Variants in CCDC149 observed in about 807,000 individuals in gnomAD.
The protein encoded by CCDC149 is coiled-coil domain containing 149.
CCDC149 carries 45 observed loss-of-function variants against 59.9 expected under a neutral mutation model. The observed-to-expected ratio is 0.75, with a 90% CI of 0.59 to 0.96. The LOEUF (loss-of-function observed/expected upper bound fraction) is 0.96, where lower values mean the gene tolerates loss of function less well. Among genes scored for constraint, CCDC149 ranks in the 40% least tolerant of loss-of-function variants. CCDC149 has a pLI of 0.00. For missense variants in CCDC149, 584 were observed against 664.7 expected (o/e 0.88, Z 1.33); for synonymous variants, 245 against 260.6 (o/e 0.94, Z 0.58).
At position 24,837,383 on chromosome 4, in the gene CCDC149, G is replaced by A. The variant is rs750233654; in HGVS notation, c.507C>T (p.His169=). ...GCTCGTCCACAGAAGCCTGCAGGTC[G>A]TGCTCCAGAGACTCAATCTAAAACC... The change falls in exon 6 of 13, where the codon CAC becomes CAT. Residue 169 remains histidine (H), a synonymous_variant. Transcript: ENST00000635206. The surrounding 1 kb of genome is among the most constrained non-coding windows in gnomAD (Gnocchi z 4.3). 5.9e-5 allele frequency: 96 copies of A among 1,614,002 alleles called. No homozygotes were observed. Among genetic ancestry groups the A allele is most frequent in the Non-Finnish European group, 7.3e-5 (86 of 1,180,020 alleles).
chr4:24,961,077 A>T (rs560063244), intron 1 of CCDC149, among the ~76,000 whole-genome samples: 35 of 152,354 alleles, frequency 2.3e-4, no homozygotes, highest in African/African-American at 8.4e-4. Context: ...TCTCAAATGC[A>T]TGCAGAACAT....
intron 1 of CCDC149, among the ~76,000 whole-genome samples, chr4:24,950,484 G>C (rs991442211): frequency 6.6e-6 from 1 of 152,182 alleles, no homozygotes; most frequent in Non-Finnish European, 1.5e-5. Context: ...GAGTGGACTC[G>C]GGGGTGGGAA....
At chr4:24,878,018 A>C (rs955889283) in intron 1 of CCDC149, among the ~76,000 whole-genome samples, 1 of 152,246 alleles carries the variant, frequency 6.6e-6, no homozygotes, top group African/African-American at 2.4e-5. Flanking sequence ...CTCTGACATG[A>C]GTACTTTGTC....
chr4:24,857,327 G>A (rs910382822), intron 3 of CCDC149, among the ~76,000 whole-genome samples: 1 of 152,128 alleles, frequency 6.6e-6, no homozygotes, highest in African/African-American at 2.4e-5. Flanking sequence ...TGAGTTACTA[G>A]GCAAATAAAT....
intron 3 of CCDC149, 81 bp from the exon 4 acceptor site, chr4:24,853,260 C>G (rs1357509670): frequency 3.0e-5 from 31 of 1,041,946 alleles, no homozygotes; most frequent in Non-Finnish European, 4.3e-5. Context: ...CTTGTGGATG[C>G]TGGTGTCTAA....
chr4:24,860,826 G>T (rs377234339), intron 3 of CCDC149, among the ~76,000 whole-genome samples: 1 of 152,058 alleles, frequency 6.6e-6, no homozygotes, highest in Admixed American at 6.5e-5. Context: ...TATATAAATG[G>T]CCGACAAACA....
intron 1 of CCDC149, among the ~76,000 whole-genome samples, chr4:24,976,236 A>T (rs1323216162): frequency 1.3e-5 from 2 of 152,198 alleles, no homozygotes; most frequent in African/African-American, 4.8e-5. Flanking sequence ...CCCTTAGAGT[A>T]ATTCCAGGGT....
chr4:24,907,820 A>C (rs1721621851), intron 1 of CCDC149, among the ~76,000 whole-genome samples: 1 of 152,130 alleles, frequency 6.6e-6, no homozygotes, highest in Non-Finnish European at 1.5e-5. Flanking sequence ...TGTTGGCAGG[A>C]CTGTGTTCCC....
intron 3 of CCDC149, among the ~76,000 whole-genome samples, chr4:24,857,441 A>T (rs570939910): frequency 6.6e-6 from 1 of 152,134 alleles, no homozygotes; most frequent in Non-Finnish European, 1.5e-5. Flanking sequence ...ACTTACTCTC[A>T]ATTTCTGTAT....
In CCDC149 at chr4:24,926,241, C is replaced by T. The variant is rs116785984; in HGVS notation, c.-64-31123G>A. ...AATTCATTCTTGAGTTTGTCTCATT[C>T]CTCCCATTTTGTTATAGGGAACAGA... is the stretch of plus-strand genomic sequence containing the variant. On this transcript the variant is annotated intron_variant, in intron 1 of 12. Transcript: ENST00000389609. Among the ~76,000 whole-genome samples the T allele has an allele frequency of 3.9e-3, 589 of 152,262 alleles. 4 individuals carry two copies. Among genetic ancestry groups the T allele is most frequent in the African/African-American group, 0.014 (572 of 41,544 alleles).
At chr4:24,878,783 T>C (rs969362496) in intron 1 of CCDC149, among the ~76,000 whole-genome samples, 1 of 152,196 alleles carries the variant, frequency 6.6e-6, no homozygotes, top group Non-Finnish European at 1.5e-5. Context: ...CGCGGGAACA[T>C]CCCGCCTATT....
chr4:24,816,850 G>A (rs1256920651), intron 12 of CCDC149, among the ~76,000 whole-genome samples: 3 of 151,986 alleles, frequency 2.0e-5, no homozygotes, highest in East Asian at 1.9e-4. Context: ...ACCCAAAAAC[G>A]TGTCCCCCGC....
chr4:24,892,700 A>T (rs1011662870), intron 1 of CCDC149, among the ~76,000 whole-genome samples: 7 of 152,172 alleles, frequency 4.6e-5, no homozygotes. Context: ...CTGTCCAGTG[A>T]GATGGAAGCA....
chr4:24,926,320 T>A (rs922420628), intron 1 of CCDC149, among the ~76,000 whole-genome samples: 1 of 152,258 alleles, frequency 6.6e-6, no homozygotes, highest in Non-Finnish European at 1.5e-5. Flanking sequence ...TTAATAAATA[T>A]GCTTTCCATT....
At chr4:24,874,244 G>GTTTT (rs5856868) in intron 2 of CCDC149, among the ~76,000 whole-genome samples, 61 of 87,404 alleles carry the variant, frequency 7.0e-4, no homozygotes, top group Admixed American at 1.0e-3. Context: ...TATTAGATTT[G>GTTTT]TTTTTTTTTT....
At chr4:24,943,728 C>A (rs1349692518) in intron 1 of CCDC149, among the ~76,000 whole-genome samples, 1 of 152,142 alleles carries the variant, frequency 6.6e-6, no homozygotes, top group Non-Finnish European at 1.5e-5. Flanking sequence ...AAGAAAAAAA[C>A]AACCCCATCA....
chr4:24,883,000 C>G (rs1719936328), intron 1 of CCDC149, among the ~76,000 whole-genome samples: 1 of 152,192 alleles, frequency 6.6e-6, no homozygotes, highest in South Asian at 2.1e-4. Flanking sequence ...CTTCCATATG[C>G]TTACGTGCCT....
intron 1 of CCDC149, among the ~76,000 whole-genome samples, chr4:24,892,942 G>A (rs1444661252): frequency 6.6e-6 from 1 of 152,152 alleles, no homozygotes; most frequent in South Asian, 2.1e-4. Context: ...AATGAGGGAA[G>A]GCATCCCATA....
chr4:24,878,484 G>T (rs1719619972), intron 1 of CCDC149, among the ~76,000 whole-genome samples: 1 of 152,328 alleles, frequency 6.6e-6, no homozygotes, highest in African/African-American at 2.4e-5. Flanking sequence ...TCAGAGGAGA[G>T]TGGCTCAGAA....
Sources: allele counts gnomAD v4.1 joint callset (sites outside exome capture counted in the v4.1 genomes callset), GRCh38; gene constraint gnomAD v4.1.1; non-coding constraint Gnocchi (gnomAD v3.1); transcripts MANE v1.5; gene names NCBI Gene and HGNC (gene_info 2026-07-23, HGNC 2026-07-21).